The following VMP1 variants were observed in gnomAD, a reference collection of about 807,000 sequenced individuals.
VMP1 encodes vacuole membrane protein 1, also known as ectopic P-granules autophagy protein 3 homolog.
In VMP1, 11 loss-of-function variants were observed where a neutral mutation model predicts 56.0. The ratio of observed to expected loss-of-function variants is 0.20; its 90% CI spans 0.12 to 0.32. VMP1 has a LOEUF of 0.32. Among genes scored for constraint, VMP1 ranks in the 10% least tolerant of loss-of-function variants. VMP1 has a pLI of 1.00. For missense variants in VMP1, 296 were observed against 490.3 expected (o/e 0.60, Z 3.74); for synonymous variants, 149 against 165.0 (o/e 0.90, Z 0.74).
chr17:59,832,182 CTTTT>C (rs766864144), intron 10 of VMP1, among the ~76,000 whole-genome samples: 2 of 102,780 alleles, frequency 1.9e-5, no homozygotes, highest in African/African-American at 4.1e-5. Context: ...ATGAGATCAA[CTTTT>C]TTTTTTTTTT....
intron 7 of VMP1, among the ~76,000 whole-genome samples, chr17:59,789,042 G>T (rs2037117239): frequency 6.6e-6 from 1 of 150,818 alleles, no homozygotes; most frequent in African/African-American, 2.4e-5. Flanking sequence ...TGTAATCCTA[G>T]CGCTCTGGGA....
chr17:59,717,230 A>G (rs938256580), intron 1 of VMP1, among the ~76,000 whole-genome samples: 1 of 151,960 alleles, frequency 6.6e-6, no homozygotes, highest in African/African-American at 2.4e-5. Flanking sequence ...TCGGCCTCCC[A>G]AAGTGCTGGG....
chr17:59,827,561 G>A (rs1198035917), intron 10 of VMP1, among the ~76,000 whole-genome samples: 1 of 149,680 alleles, frequency 6.7e-6, no homozygotes, highest in East Asian at 2.0e-4. Context: ...AGGAGGCCTC[G>A]GCCTCCCAAA....
intron 8 of VMP1, among the ~76,000 whole-genome samples, chr17:59,810,750 A>C (rs1256887662): frequency 6.6e-6 from 1 of 152,230 alleles, no homozygotes; most frequent in African/African-American, 2.4e-5. Flanking sequence ...CATATGTGAC[A>C]AGTATTTTTT....
chr17:59,766,874 G>C (rs533967261), intron 6 of VMP1, among the ~76,000 whole-genome samples: 61 of 151,908 alleles, frequency 4.0e-4, no homozygotes, highest in African/African-American at 1.3e-3. Flanking sequence ...CTGTCTCCCA[G>C]GTTCAAGCAA....
chr17:59,767,987 GTATT>G (rs2036290219), intron 6 of VMP1, among the ~76,000 whole-genome samples: 1 of 151,928 alleles, frequency 6.6e-6, no homozygotes, highest in Non-Finnish European at 1.5e-5. Context: ...GCTCACACCT[GTATT>G]CTCAGTGACT....
chr17:59,717,254 G>A (rs948242769), intron 1 of VMP1, among the ~76,000 whole-genome samples: 24 of 152,244 alleles, frequency 1.6e-4, no homozygotes, highest in African/African-American at 5.8e-4. Context: ...ACAGGCATGA[G>A]CCACCGCGCT....
intron 4 of VMP1, 131 bp from the exon 5 acceptor site, chr17:59,738,706 A>G (rs2035103013): frequency 4.7e-6 from 3 of 638,280 alleles, no homozygotes; most frequent in Non-Finnish European, 5.3e-6. Context: ...GGCCTCTTCA[A>G]TGGGTTTTTA....
chr17:59,738,932 C>T lies in VMP1; in HGVS notation c.399C>T (p.Thr133=). 1 of 1,600,714 alleles carries T rather than the reference C, an allele frequency of 6.2e-7. No individual in the cohort carries two copies. Residue 133 remains threonine, a synonymous_variant, in exon 5 of 12, where the codon ACC becomes ACT. Transcript: ENST00000262291. ...SSVGLGTGLH[T]FLLYLGPHIA... Reference sequence around the variant, plus strand: ...TTGGGCTTGGAACAGGGCTGCACACCTTTCTGCTTTATCTGGTAAGAATAA... The same window carrying T: ...TTGGGCTTGGAACAGGGCTGCACACTTTTCTGCTTTATCTGGTAAGAATAA...
intron 10 of VMP1, among the ~76,000 whole-genome samples, chr17:59,827,911 G>T (rs2038692959): frequency 6.6e-6 from 1 of 151,560 alleles, no homozygotes; most frequent in African/African-American, 2.4e-5. Context: ...TCTTGAGTGG[G>T]CAACAGAGCA....
intron 10 of VMP1, chr17:59,837,948 A>C (rs2039032957): frequency 5.8e-6 from 1 of 170,982 alleles, no homozygotes; most frequent in Non-Finnish European, 1.2e-5. Context: ...TCTTTGTGCC[A>C]TACCAGAGTA....
intron 5 of VMP1, 61 bp downstream of exon 5, chr17:59,739,008 T>C (rs2035114560): frequency 7.5e-7 from 1 of 1,329,140 alleles, no homozygotes; most frequent in Non-Finnish European, 1.0e-6. Flanking sequence ...ATTGGTGCTT[T>C]TATGTCAGAA....
At chr17:59,741,316 G>A (rs926805747) in intron 5 of VMP1, among the ~76,000 whole-genome samples, 8 of 152,144 alleles carry the variant, frequency 5.3e-5, no homozygotes, top group Admixed American at 5.2e-4. Flanking sequence ...AAGAGAAGAG[G>A]AGCAGTTAGG....
At chr17:59,730,036 T>C (rs1486798864) in intron 1 of VMP1, 1 of 152,152 alleles carries the variant, frequency 6.6e-6, no homozygotes, top group East Asian at 1.9e-4. Flanking sequence ...TTGTATCTCA[T>C]TGTGGTTTAA....
rs71145575 is a variant in VMP1 at position 59,809,484 on chromosome 17, A to ATTTTTTT, written c.795+642_795+648dup. On this transcript the variant is annotated intron_variant, in intron 8 of 11. Transcript: ENST00000262291. ...AGGCGACTGCCACCACACCCAGCTA[A>ATTTTTTT]TTTTTTTTTTTTTTTTTTTTTTTTT... is the stretch of plus-strand genomic sequence containing the variant. Among the ~76,000 whole-genome samples, 87 of 52,712 alleles carry ATTTTTTT rather than the reference A, an allele frequency of 1.7e-3. 6 individuals are homozygous for ATTTTTTT. Among genetic ancestry groups the ATTTTTTT allele is most frequent in the African/African-American group, 2.3e-3 (23 of 9,800 alleles). The allele number at this position is 52,712 out of a possible 152,430, so 34.6% of individuals were successfully genotyped here. A position where few individuals can be genotyped will look rare whatever the true frequency, so the allele number is the denominator to read the frequency against.
intron 8 of VMP1, among the ~76,000 whole-genome samples, chr17:59,811,049 C>T (rs1314524364): frequency 1.3e-5 from 2 of 152,126 alleles, no homozygotes. Context: ...CACACTTGAT[C>T]TTCTTTATAA....
chr17:59,712,556 C>G (rs1248411788), intron 1 of VMP1, among the ~76,000 whole-genome samples: 7 of 152,162 alleles, frequency 4.6e-5, no homozygotes, highest in Non-Finnish European at 1.0e-4. Flanking sequence ...TGTCCCAGGC[C>G]TTACACCAGG....
intron 8 of VMP1, among the ~76,000 whole-genome samples, chr17:59,809,592 C>T (rs1424014028): frequency 2.1e-5 from 3 of 142,262 alleles, no homozygotes; most frequent in East Asian, 2.1e-4. Flanking sequence ...CTGCAAGCTC[C>T]GCCTCCCGGG....
At chr17:59,835,512 C>A (rs1397989298) in intron 10 of VMP1, among the ~76,000 whole-genome samples, 1 of 144,318 alleles carries the variant, frequency 6.9e-6, no homozygotes. Flanking sequence ...TTTTTTGAGA[C>A]AGAGTTTCAC....
Sources: allele counts gnomAD v4.1 joint callset (sites outside exome capture counted in the v4.1 genomes callset), GRCh38; gene constraint gnomAD v4.1.1; transcripts MANE v1.5; gene names NCBI Gene and HGNC (gene_info 2026-07-23, HGNC 2026-07-21).